The following WDR35 variants were observed in gnomAD, a reference collection of about 807,000 sequenced individuals.
WDR35 encodes WD repeat domain 35.
A neutral mutation model predicts 158.3 loss-of-function variants in WDR35; 118 were observed. The observed-to-expected ratio is 0.75, with a 90% confidence interval of 0.64 to 0.87. The LOEUF is 0.87. Ranked by LOEUF, WDR35 falls within the 40% of genes least tolerant of loss-of-function variation. The pLI is 0.00. For synonymous variants in WDR35, 448 were observed against 476.1 expected (o/e 0.94, Z 0.77); for missense variants, 1,263 against 1,405.8 (o/e 0.90, Z 1.62).
At chr2:19,951,755 A>C in intron 12 of WDR35, 1 of 290,448 alleles carries the variant, frequency 3.4e-6, no homozygotes, top group South Asian at 7.4e-5. Flanking sequence ...AATTTCATTA[A>C]GCCCAGAGAG....
chr2:19,938,364 A>G lies in WDR35; in HGVS notation c.1964T>C (p.Phe655Ser). 1.2e-6 allele frequency: 2 copies of G among 1,614,052 alleles called. No homozygotes were observed. Among genetic ancestry groups the G allele is most frequent in the Non-Finnish European group, 8.5e-7 (1 of 1,179,994 alleles). The stretch of plus-strand genomic sequence containing the variant: ...GCTATCTCGCAGAGACCGAATCTCA[A>G]AGTTAATTAGGTAATCCTTGTTTGG... ...EHPNKDYLIN[F>S]EIRSLRDSRA... Residue 655 changes from phenylalanine (F) to serine (S), a missense_variant, in exon 18 of 27, where the codon TTT becomes TCT. Phe to Ser is a radical substitution (Grantham distance 155). Transcript: ENST00000281405.
intron 16 of WDR35, among the ~76,000 whole-genome samples, chr2:19,944,071 G>C (rs1670970238): frequency 6.6e-6 from 1 of 151,926 alleles, no homozygotes; most frequent in Non-Finnish European, 1.5e-5. Flanking sequence ...CTGCTTTGAA[G>C]AGATCATGTT....
At position 19,973,590 on chromosome 2, in the gene WDR35, A is replaced by C. The variant is rs375472018; in HGVS notation, c.855T>G (p.Ile285Met). Residue 285 changes from isoleucine (I) to methionine (M), a missense_variant, in exon 8 of 27, where the codon ATT becomes ATG. Physicochemically the swap from Ile to Met is conservative, Grantham distance 10 (BLOSUM62 1). Coordinates refer to ENST00000281405, the MANE Select transcript of WDR35 (RefSeq NM_020779.4). ...KAAMQDKDVN[I>M]VQFYTPFGEH... ...CACCAAACGGAGTGTAAAACTGCAC[A>C]ATGTTCACATCTTTGTCCTGCATGG... 1 of 1,614,094 alleles carries C rather than the reference A, an allele frequency of 6.2e-7. No individual in the cohort carries two copies. The highest frequency in any genetic ancestry group is 8.5e-7 in the Non-Finnish European group (1 of 1,180,044).
chr2:19,932,474 CACCCAAGTA>C, intron 22 of WDR35, 27 bp from the exon 23 acceptor site: 8 of 1,612,688 alleles, frequency 5.0e-6, no homozygotes, highest in Non-Finnish European at 6.8e-6. Context: ...ACCATTCAGT[CACCCAAGTA>C]TTTACAGTCA....
At chr2:19,919,331 AGATTGCACCACT>A (rs1412658973) in intron 25 of WDR35, among the ~76,000 whole-genome samples, 2 of 141,978 alleles carry the variant, frequency 1.4e-5, no homozygotes, top group Admixed American at 1.5e-4. Context: ...CAGTGAGCTG[AGATTGCACCACT>A]GCACTCCAAC....
chr2:19,989,027 A>G (rs1672659486), intron 2 of WDR35, 138 bp downstream of exon 2: 1 of 829,672 alleles, frequency 1.2e-6, no homozygotes, highest in South Asian at 1.4e-5. Flanking sequence ...ATACTCCAGA[A>G]AAACACCATA....
intron 3 of WDR35, among the ~76,000 whole-genome samples, 153 bp downstream of exon 3, chr2:19,982,310 G>C (rs1313307241): frequency 6.6e-6 from 1 of 152,124 alleles, no homozygotes; most frequent in Middle Eastern, 3.2e-3. Context: ...CTTACAATGG[G>C]TTTATTGGAA....
At chr2:19,984,841 A>G (rs1440686664) in intron 2 of WDR35, among the ~76,000 whole-genome samples, 1 of 152,250 alleles carries the variant, frequency 6.6e-6, no homozygotes, top group Non-Finnish European at 1.5e-5. Context: ...CTGCAAAATA[A>G]GCTTGAAACC....
intron 17 of WDR35, 77 bp downstream of exon 17, chr2:19,941,682 C>G (rs2103410438): frequency 9.0e-7 from 1 of 1,115,292 alleles, no homozygotes; most frequent in East Asian, 2.7e-5. Context: ...ACACTGCTAA[C>G]CAGGATACTA....
At chr2:19,963,363 G>A (rs1034802304) in intron 10 of WDR35, among the ~76,000 whole-genome samples, 3 of 138,018 alleles carry the variant, frequency 2.2e-5, no homozygotes, top group East Asian at 1.9e-4. Flanking sequence ...CTCTGTAGTC[G>A]ATAATTGTAT....
intron 16 of WDR35, among the ~76,000 whole-genome samples, chr2:19,944,448 T>G (rs1670981957): frequency 6.6e-6 from 1 of 152,118 alleles, no homozygotes; most frequent in South Asian, 2.1e-4. Flanking sequence ...TCTCCAGGCA[T>G]ATGATTTGTG....
chr2:19,985,559 A>T (rs1332729894), intron 2 of WDR35, among the ~76,000 whole-genome samples: 1 of 150,196 alleles, frequency 6.7e-6, no homozygotes, highest in Non-Finnish European at 1.5e-5. Flanking sequence ...TTGGCAAGGA[A>T]ATGACATCAT....
intron 12 of WDR35, 71 bp from the exon 13 acceptor site, chr2:19,951,555 A>G (rs1483051126): frequency 8.3e-7 from 1 of 1,206,296 alleles, no homozygotes; most frequent in East Asian, 2.5e-5. Context: ...TCTAGAATAA[A>G]CGATTGGACA....
At chr2:19,974,939 G>A (rs1327057805) in intron 6 of WDR35, among the ~76,000 whole-genome samples, 2 of 152,172 alleles carry the variant, frequency 1.3e-5, no homozygotes, top group African/African-American at 2.4e-5. Flanking sequence ...TTCCACCAGT[G>A]AGTGGATTTA....
Position 19,930,389 on chromosome 2 carries a change from T to C in WDR35, c.3121+7A>G, listed in dbSNP as rs1323387861. 1.9e-6 allele frequency: 3 copies of C among 1,614,208 alleles called. No homozygotes were observed. Among genetic ancestry groups the C allele is most frequent in the Non-Finnish European group, 2.5e-6 (3 of 1,180,018 alleles). On this transcript the variant is annotated splice_region_variant and intron_variant, in intron 25 of 26. Transcript: ENST00000281405. ...GACATACTATACACATTAGGTGACATGCCCACCTGTCTTCAGTGCAGTGTC... is the reference window on the plus strand; with the variant it reads ...GACATACTATACACATTAGGTGACACGCCCACCTGTCTTCAGTGCAGTGTC...
chr2:19,930,599 A>G, intron 24 of WDR35, 47 bp from the exon 25 acceptor site: 2 of 1,611,910 alleles, frequency 1.2e-6, no homozygotes. Context: ...AAACGCACAC[A>G]CAGTGTCAAC....
At chr2:19,941,495 A>G (rs1414176033) in intron 17 of WDR35, among the ~76,000 whole-genome samples, 10 of 152,210 alleles carry the variant, frequency 6.6e-5, no homozygotes, top group Admixed American at 6.5e-4. Context: ...ATATAATAAC[A>G]ATCCTATAAG....
At chr2:19,961,390 T>A (rs1671652861) in intron 10 of WDR35, among the ~76,000 whole-genome samples, 1 of 152,208 alleles carries the variant, frequency 6.6e-6, no homozygotes, top group African/African-American at 2.4e-5. Flanking sequence ...TATAGACATC[T>A]CAACTGGCTC....
rs377535267 is a variant in WDR35 at position 19,933,415 on chromosome 2, C to T, written c.2644G>A (p.Val882Ile). The T allele has an allele frequency of 2.6e-5, 42 of 1,613,252 alleles. No homozygotes were observed. Among genetic ancestry groups the T allele is most frequent in the African/African-American group, 1.3e-4 (10 of 74,900 alleles). ...SQPKAAVDTCVHLNQWNKAVE... is the reference protein window; with the variant it reads ...SQPKAAVDTCIHLNQWNKAVE... The stretch of plus-strand genomic sequence containing the variant: ...TCAGTTCCTACTTGGTTGAGATGTA[C>T]GCAGGTATCTACTGCTGCCTTTGGT... The change falls in exon 22 of 27, where the codon GTA becomes ATA. Residue 882 changes from valine (V) to isoleucine (I), a missense_variant. Transcript: ENST00000281405.
Sources: gnomAD v4.1 joint callset for allele counts (sites outside exome capture counted in the v4.1 genomes callset) on GRCh38, gnomAD v4.1.1 for gene constraint, MANE v1.5 for transcripts, NCBI Gene and HGNC (gene_info 2026-07-23, HGNC 2026-07-21) for gene names.